OR52K1: variants seen among roughly 807,000 people sequenced by gnomAD.
OR52K1 encodes the protein olfactory receptor 52K1.
In OR52K1, 10 loss-of-function variants were observed where a neutral mutation model predicts 8.7. The ratio of observed to expected loss-of-function variants is 1.15; its 90% confidence interval spans 0.71 to 1.95. The LOEUF (loss-of-function observed/expected upper bound fraction) is 1.95, where lower values mean the gene tolerates loss of function less well. OR52K1 is among the 30% of genes most tolerant of loss of function. The pLI is 0.00. For missense variants in OR52K1, 431 were observed against 397.2 expected (o/e 1.08, Z -0.72); for synonymous variants, 203 against 148.5 (o/e 1.37, Z -2.67).
intron 1 of OR52K1, 30 bp downstream of exon 1, chr11:4,483,206 C>G (rs1206740462): frequency 5.0e-6 from 2 of 398,478 alleles, no homozygotes; most frequent in Admixed American, 4.4e-5. Context: ...TGAGGTTCTT[C>G]TACCAGAAGC....
Position 4,482,917 on chromosome 11 carries a change from C to G in OR52K1, c.-588C>G. The G allele has an allele frequency of 5.2e-6, 2 of 382,720 alleles. No individual in the cohort carries two copies. The highest frequency in any genetic ancestry group is 9.2e-6 in the Non-Finnish European group (2 of 216,558). The allele number at this position is 382,720 out of a possible 1,614,324, so 23.7% of individuals were successfully genotyped here. A position where few individuals can be genotyped will look rare whatever the true frequency, so the allele number is the denominator to read the frequency against. On this transcript the variant is annotated 5_prime_UTR_variant, in exon 1 of 2. Coordinates refer to ENST00000641528, the MANE Select transcript of OR52K1 (RefSeq NM_001005171.3). Reference sequence around the variant, plus strand: ...CCTTCAATAGAGGGAACAGAAGTCTCGATAGTCCCACCCAACTGTTTGGTA... The same window carrying G: ...CCTTCAATAGAGGGAACAGAAGTCTGGATAGTCCCACCCAACTGTTTGGTA...
Position 4,490,196 on chromosome 11 carries a change from A to C in OR52K1, c.*351A>C. 1 of 220,872 alleles carries C rather than the reference A, an allele frequency of 4.5e-6. No homozygotes were observed. Among genetic ancestry groups the C allele is most frequent in the Non-Finnish European group, 8.9e-6 (1 of 111,748 alleles). The allele number at this position is 220,872 out of a possible 1,614,324, so 13.7% of individuals were successfully genotyped here. A position where few individuals can be genotyped will look rare whatever the true frequency, so the allele number is the denominator to read the frequency against. On this transcript the variant is annotated 3_prime_UTR_variant, in exon 2 of 2. Coordinates refer to ENST00000641528, the MANE Select transcript of OR52K1 (RefSeq NM_001005171.3). ...AGTCACCCAAACAGGTGACTTCTTT[A>C]TCCAGGTATGAGTGAGGAAATGTAC...
rs1225613332 is a variant in OR52K1, at chr11:4,489,554, G to T, written c.654G>T (p.Leu218=). 2 of 1,614,102 alleles carry T rather than the reference G, an allele frequency of 1.2e-6. No individual in the cohort carries two copies. Among genetic ancestry groups the T allele is most frequent in the African/African-American group, 2.7e-5 (2 of 74,922 alleles). Residue 218 remains leucine (L), a synonymous_variant, in exon 2 of 2, where the codon CTG becomes CTT. Coordinates refer to ENST00000641528, the MANE Select transcript of OR52K1 (RefSeq NM_001005171.3). Reference sequence around the variant, plus strand: ...TGTTGGACCTGCTCTTTGTTATCCTGTCTTATGTCTTCATCCTTCAGGCAG... The same window carrying T: ...TGTTGGACCTGCTCTTTGTTATCCTTTCTTATGTCTTCATCCTTCAGGCAG... The part of the protein sequence containing the change: ...IVVLDLLFVI[L]SYVFILQAVL...
chr11:4,489,058 C>T lies in OR52K1; in HGVS notation c.158C>T (p.Ala53Val), dbSNP rs756626253. 5.0e-6 allele frequency: 8 copies of T among 1,614,082 alleles called. No individual in the cohort carries two copies. In the Admixed American group the frequency reaches 1.0e-4, roughly 20 times the overall value. The change falls in exon 2 of 2, where the codon GCT (alanine) becomes GTT (valine). Residue 53 changes from alanine to valine, a missense_variant. Coordinates refer to ENST00000641528, the MANE Select transcript of OR52K1 (RefSeq NM_001005171.3). ...TGTACCCTTCTCTTCATTATCCAGG[C>T]TGATGCAGCCCTCCATGAACCCATG... is the stretch of plus-strand genomic sequence containing the variant. ...GNCTLLFIIQ[A>V]DAALHEPMYL...
chr11:4,483,434 T>C (rs2133103597), intron 1 of OR52K1, among the ~76,000 whole-genome samples: 1 of 152,314 alleles, frequency 6.6e-6, no homozygotes, highest in East Asian at 1.9e-4. Flanking sequence ...ATGAACAGTC[T>C]GGACAAAACT....
At position 4,491,116 on chromosome 11, in the gene OR52K1, T is replaced by C. The variant is rs1846371058; in HGVS notation, c.*1271T>C. The C allele has an allele frequency of 6.6e-6, 1 of 152,232 alleles. No individual in the cohort carries two copies. The highest frequency in any genetic ancestry group is 1.5e-5 in the Non-Finnish European group (1 of 68,032). 9.4% of individuals were successfully genotyped at this position (152,232 alleles called of 1,614,324 possible). ...TAGTTAGACATGATTGTAGTTGTGA[T>C]AGACTGTATTACTGTCCACCAATAT... is the stretch of plus-strand genomic sequence containing the variant. On this transcript the variant is annotated 3_prime_UTR_variant, in exon 2 of 2. Transcript: ENST00000641528.
rs1184809728 is a variant in OR52K1, at chr11:4,483,248, C to T, written c.-329+72C>T. The T allele has an allele frequency of 1.0e-5, 4 of 398,440 alleles. No homozygotes were observed. In the East Asian group the frequency reaches 1.4e-4, roughly 14 times the overall value. 24.7% of individuals were successfully genotyped at this position (398,440 alleles called of 1,614,324 possible). A position where few individuals can be genotyped will look rare whatever the true frequency, so the allele number is the denominator to read the frequency against. ...GAAGTATCTTGATTATGTGATTATCCTTCCTTGTCTGGTTCTAAGTTTTTC... is the reference window on the plus strand; with the variant it reads ...GAAGTATCTTGATTATGTGATTATCTTTCCTTGTCTGGTTCTAAGTTTTTC... On this transcript the variant is annotated intron_variant, in intron 1 of 1. Transcript: ENST00000641528.
chr11:4,484,173 G>A (rs1846302405), intron 1 of OR52K1, among the ~76,000 whole-genome samples: 1 of 152,144 alleles, frequency 6.6e-6, no homozygotes, highest in South Asian at 2.1e-4. Flanking sequence ...AGGAAAATAG[G>A]TAGAGTTTCT....
At position 4,489,548 on chromosome 11, in the gene OR52K1, T is replaced by C. The variant is rs1383456904; in HGVS notation, c.648T>C (p.Val216=). The C allele has an allele frequency of 6.2e-7, 1 of 1,614,140 alleles. No homozygotes were observed. Among genetic ancestry groups the C allele is most frequent in the Non-Finnish European group, 8.5e-7 (1 of 1,180,052 alleles). The change falls in exon 2 of 2, where the codon GTT becomes GTC. Residue 216 remains valine, a synonymous_variant. Transcript: ENST00000641528. ...MFIVVLDLLF[V]ILSYVFILQA... is the part of the protein sequence containing the mutation. ...TTGTGGTGTTGGACCTGCTCTTTGT[T>C]ATCCTGTCTTATGTCTTCATCCTTC... is the stretch of plus-strand genomic sequence containing the variant.
rs780739820 is a variant in OR52K1, at chr11:4,482,993, A to G, written c.-512A>G. 1 of 395,554 alleles carries G rather than the reference A, an allele frequency of 2.5e-6. No individual in the cohort carries two copies. The highest frequency in any genetic ancestry group is 4.5e-6 in the Non-Finnish European group (1 of 224,458). 24.5% of individuals were successfully genotyped at this position (395,554 alleles called of 1,614,324 possible). A position where few individuals can be genotyped will look rare whatever the true frequency, so the allele number is the denominator to read the frequency against. On this transcript the variant is annotated 5_prime_UTR_variant, in exon 1 of 2. It removes an upstream start codon present in the reference 5' UTR. Coordinates refer to ENST00000641528, the MANE Select transcript of OR52K1 (RefSeq NM_001005171.3). ...CACAGAGGATGCCTGCTTCCGTCCT[A>G]TGCCAAACACTGTGGGCCATCTCCA...
chr11:4,484,579 A>T (rs1457393621), intron 1 of OR52K1, among the ~76,000 whole-genome samples: 1 of 152,108 alleles, frequency 6.6e-6, no homozygotes, highest in Non-Finnish European at 1.5e-5. Context: ...TGAGGAAGAT[A>T]TGTGGGGATA....
In OR52K1 at chr11:4,490,855, G is replaced by A. The variant is rs1846368619; in HGVS notation, c.*1010G>A. 6.6e-6 allele frequency: 1 copy of A among 152,158 alleles called. No homozygotes were observed. The highest frequency in any genetic ancestry group is 1.9e-4 in the East Asian group (1 of 5,200). The allele number at this position is 152,158 out of a possible 1,614,324, so 9.4% of individuals were successfully genotyped here. A position where few individuals can be genotyped will look rare whatever the true frequency, so the allele number is the denominator to read the frequency against. ...GATTATTTCATCACCCAAGTATTAAGCCTAGTATTCATTAGCTATTTTTCT... is the reference window on the plus strand; with the variant it reads ...GATTATTTCATCACCCAAGTATTAAACCTAGTATTCATTAGCTATTTTTCT... On this transcript the variant is annotated 3_prime_UTR_variant, in exon 2 of 2. Coordinates refer to ENST00000641528, the MANE Select transcript of OR52K1 (RefSeq NM_001005171.3).
chr11:4,491,879 T>C lies in OR52K1; in HGVS notation c.*2034T>C, dbSNP rs1320974515. 6.6e-6 allele frequency: 1 copy of C among 152,088 alleles called. No homozygotes were observed. The highest frequency in any genetic ancestry group is 1.9e-4 in the East Asian group (1 of 5,188). 9.4% of individuals were successfully genotyped at this position (152,088 alleles called of 1,614,324 possible). Reference sequence around the variant, plus strand: ...GTACAACAAACTCCCGTGACACAAGTTTATTTATATAACACACCTGCACAT... The same window carrying C: ...GTACAACAAACTCCCGTGACACAAGCTTATTTATATAACACACCTGCACAT... On this transcript the variant is annotated 3_prime_UTR_variant, in exon 2 of 2. Transcript: ENST00000641528.
chr11:4,489,726 A>AT lies in OR52K1; in HGVS notation c.827dup (p.Leu277ThrfsTer27), dbSNP rs1564832921. The AT allele has an allele frequency of 1.9e-6, 3 of 1,614,168 alleles. No homozygotes were observed. Among genetic ancestry groups the AT allele is most frequent in the Non-Finnish European group, 2.5e-6 (3 of 1,180,018 alleles). On this transcript the variant is annotated frameshift_variant, in exon 2 of 2. Coordinates refer to ENST00000641528, the MANE Select transcript of OR52K1 (RefSeq NM_001005171.3). LOFTEE classifies it high-confidence loss of function. ...CCGCCATGCTGCCCCTCGTGTCCACATACTCCTTGCTATTTTCTATCTCCT... is the reference window on the plus strand; with the variant it reads ...CCGCCATGCTGCCCCTCGTGTCCACATTACTCCTTGCTATTTTCTATCTCCT...
Position 4,487,262 on chromosome 11 carries a change from AAC to A in OR52K1, c.-328-1309_-328-1308del, listed in dbSNP as rs199511856. On this transcript the variant is annotated intron_variant, in intron 1 of 1. Coordinates refer to ENST00000641528, the MANE Select transcript of OR52K1 (RefSeq NM_001005171.3). Reference sequence around the variant, plus strand: ...CAACATAAATAATTTTTTAAAAAGTAACAGTTCTACAGAAGAGAAATATAAGT... The same window carrying A: ...CAACATAAATAATTTTTTAAAAAGTAAGTTCTACAGAAGAGAAATATAAGT... 4.8e-3 allele frequency among the ~76,000 whole-genome samples: 731 copies of A among 152,338 alleles called. 6 individuals are homozygous for A. Among genetic ancestry groups the A allele is most frequent in the African/African-American group, 0.016 (684 of 41,566 alleles).
chr11:4,485,665 C>T (rs1250418180), intron 1 of OR52K1, among the ~76,000 whole-genome samples: 1 of 152,228 alleles, frequency 6.6e-6, no homozygotes, highest in African/African-American at 2.4e-5. Context: ...TCCTTGGATT[C>T]CTGCAATAGT....
chr11:4,484,591 C>T (rs924377329), intron 1 of OR52K1, among the ~76,000 whole-genome samples: 1 of 151,722 alleles, frequency 6.6e-6, no homozygotes, highest in Non-Finnish European at 1.5e-5. Flanking sequence ...GTGGGGATAT[C>T]GAGTATGGAG....
At position 4,482,738 on chromosome 11, in the gene OR52K1, C is replaced by T. The variant is rs1846289931; in HGVS notation, c.-767C>T. The T allele has an allele frequency of 6.1e-6, 1 of 162,992 alleles. No individual in the cohort carries two copies. Among genetic ancestry groups the T allele is most frequent in the South Asian group, 2.0e-4 (1 of 4,912 alleles). The allele number at this position is 162,992 out of a possible 1,614,324, so 10.1% of individuals were successfully genotyped here. The stretch of plus-strand genomic sequence containing the variant: ...GTCAGACTGAGGACTGTGGATACAG[C>T]TGCAACTTAGGGAAATAGAAAACAA... On this transcript the variant is annotated 5_prime_UTR_variant, in exon 1 of 2. Coordinates refer to ENST00000641528, the MANE Select transcript of OR52K1 (RefSeq NM_001005171.3).
At position 4,492,295 on chromosome 11, in the gene OR52K1, A is replaced by G. The variant is rs962608438; in HGVS notation, c.*2450A>G. 3 of 152,166 alleles carry G rather than the reference A, an allele frequency of 2.0e-5. No individual in the cohort carries two copies. Among genetic ancestry groups the G allele is most frequent in the African/African-American group, 7.2e-5 (3 of 41,424 alleles). The allele number at this position is 152,166 out of a possible 1,614,324, so 9.4% of individuals were successfully genotyped here. A position where few individuals can be genotyped will look rare whatever the true frequency, so the allele number is the denominator to read the frequency against. Reference sequence around the variant, plus strand: ...CTAAAAAAAAAAAATAAACTTTAAAATATGGCTGGAAAGCTTATCTTTCAT... The same window carrying G: ...CTAAAAAAAAAAAATAAACTTTAAAGTATGGCTGGAAAGCTTATCTTTCAT... On this transcript the variant is annotated 3_prime_UTR_variant, in exon 2 of 2. Coordinates refer to ENST00000641528, the MANE Select transcript of OR52K1 (RefSeq NM_001005171.3).
Sources: allele counts gnomAD v4.1 joint callset (sites outside exome capture counted in the v4.1 genomes callset), GRCh38; gene constraint gnomAD v4.1.1; transcripts MANE v1.5; gene names NCBI Gene and HGNC (gene_info 2026-07-23, HGNC 2026-07-21).